DIS3L2: variants seen among roughly 807,000 people sequenced by gnomAD.
The protein encoded by DIS3L2 is DIS3 like 3'-5' exoribonuclease 2.
A neutral mutation model predicts 97.5 loss-of-function variants in DIS3L2; 34 were observed. The observed-to-expected ratio is 0.35, with a 90% CI of 0.27 to 0.46. The LOEUF (loss-of-function observed/expected upper bound fraction) is 0.46, where lower values mean the gene tolerates loss of function less well. Ranked by LOEUF, DIS3L2 falls within the 20% of genes least tolerant of loss-of-function variation. The probability of loss-of-function intolerance (pLI) is 1.00; values close to 1 mark genes in which losing one functional copy is unlikely to be tolerated. For synonymous variants in DIS3L2, 435 were observed against 445.2 expected (o/e 0.98, Z 0.29); for missense variants, 1,038 against 1,146.0 (o/e 0.91, Z 1.36).
intron 14 of DIS3L2, among the ~76,000 whole-genome samples, chr2:232,311,650 T>C (rs1695138744): frequency 6.6e-6 from 1 of 152,218 alleles, no homozygotes; most frequent in African/African-American, 2.4e-5. Context: ...GATACCACCA[T>C]TGTTATCTTC....
At position 232,309,729 on chromosome 2, in the gene DIS3L2, C is replaced by T. The variant is rs73995212; in HGVS notation, c.1739+9610C>T. 9.6e-3 allele frequency among the ~76,000 whole-genome samples: 1,455 copies of T among 152,316 alleles called. 18 individuals are homozygous for T. Among genetic ancestry groups the T allele is most frequent in the African/African-American group, 0.033 (1,366 of 41,576 alleles). ...AAAGCTGACTGCTGGAGGATCCTCA[C>T]ATCTTGCAGGACCTGGCCTGCATTA... On this transcript the variant is annotated intron_variant, in intron 14 of 20. Coordinates refer to ENST00000325385, the MANE Select transcript of DIS3L2 (RefSeq NM_152383.5).
intron 10 of DIS3L2, among the ~76,000 whole-genome samples, chr2:232,231,091 T>C (rs1692780162): frequency 6.6e-6 from 1 of 152,224 alleles, no homozygotes; most frequent in African/African-American, 2.4e-5. Context: ...CCAAAGTCCT[T>C]TTTACTATCT....
intron 5 of DIS3L2, among the ~76,000 whole-genome samples, chr2:232,049,002 T>G (rs956449054): frequency 5.9e-5 from 9 of 152,184 alleles, no homozygotes; most frequent in African/African-American, 1.9e-4. Flanking sequence ...ACACATAGTT[T>G]AGTATTGTAA....
chr2:232,206,955 T>A (rs1692042630), intron 9 of DIS3L2, among the ~76,000 whole-genome samples: 1 of 152,148 alleles, frequency 6.6e-6, no homozygotes, highest in South Asian at 2.1e-4. Context: ...ATGCACTGGA[T>A]CCATAGAAAT....
At chr2:232,100,425 C>CT (rs1248308441) in intron 6 of DIS3L2, among the ~76,000 whole-genome samples, 1 of 151,716 alleles carries the variant, frequency 6.6e-6, no homozygotes, top group East Asian at 1.9e-4. Flanking sequence ...AGGGATGTTG[C>CT]TTTTTTGCCC....
chr2:231,964,373 C>T (rs746161196), intron 1 of DIS3L2, among the ~76,000 whole-genome samples: 3 of 152,054 alleles, frequency 2.0e-5, no homozygotes, highest in East Asian at 1.9e-4. Flanking sequence ...GAAATCTTCC[C>T]GGGACTGACT....
At chr2:232,316,617 C>G (rs1559209173) in intron 14 of DIS3L2, among the ~76,000 whole-genome samples, 1 of 152,164 alleles carries the variant, frequency 6.6e-6, no homozygotes, top group Non-Finnish European at 1.5e-5. Flanking sequence ...GGAAGGACTT[C>G]CCAGGAGGCA....
intron 14 of DIS3L2, among the ~76,000 whole-genome samples, chr2:232,300,406 T>C (rs1176174003): frequency 1.3e-5 from 2 of 152,184 alleles, no homozygotes; most frequent in African/African-American, 4.8e-5. Flanking sequence ...CCCTCCCCAC[T>C]CTTGGTCTCC....
At chr2:232,304,568 A>G (rs1445933970) in intron 14 of DIS3L2, among the ~76,000 whole-genome samples, 2 of 152,124 alleles carry the variant, frequency 1.3e-5, no homozygotes, top group Non-Finnish European at 2.9e-5. Context: ...TTCACAGACA[A>G]GGAGCTTTGT....
chr2:232,287,659 T>G (rs1473183987), intron 13 of DIS3L2, among the ~76,000 whole-genome samples: 1 of 152,104 alleles, frequency 6.6e-6, no homozygotes. Context: ...CCCAAAGTGC[T>G]GTGATTACAG....
rs1694923863 is a variant in DIS3L2 at position 232,303,858 on chromosome 2, A to G, written c.1739+3739A>G. On this transcript the variant is annotated intron_variant, in intron 14 of 20. Coordinates refer to ENST00000325385, the MANE Select transcript of DIS3L2 (RefSeq NM_152383.5). ...TGTCATCCTGTTCTCCTTTCACATA[A>G]AGGGGCTAATCTCTACCTCTGGGGT... 2.0e-5 allele frequency among the ~76,000 whole-genome samples: 3 copies of G among 152,074 alleles called. No individual in the cohort carries two copies. In the South Asian group the frequency reaches 6.2e-4, roughly 32 times the overall value.
chr2:232,097,514 G>A (rs1697056409), intron 6 of DIS3L2, among the ~76,000 whole-genome samples: 1 of 150,554 alleles, frequency 6.6e-6, no homozygotes, highest in African/African-American at 2.4e-5. Flanking sequence ...CTCACCCTGT[G>A]GCTGCCACCA....
chr2:232,210,154 T>C lies in DIS3L2; in HGVS notation c.1125-172T>C, dbSNP rs1266053485. On this transcript the variant is annotated intron_variant, in intron 9 of 20. Transcript: ENST00000325385. Reference sequence around the variant, plus strand: ...AGGAAGAGAAAGTCACTCACCCATTTGTCTCTTCTCAGTCTCACATTTAAC... The same window carrying C: ...AGGAAGAGAAAGTCACTCACCCATTCGTCTCTTCTCAGTCTCACATTTAAC... Among the ~76,000 whole-genome samples the C allele has an allele frequency of 4.6e-5, 7 of 152,342 alleles. No individual in the cohort carries two copies. The South Asian group carries it at 1.2e-3, about 27-fold the overall frequency.
chr2:231,981,854 A>G (rs1182069003), intron 1 of DIS3L2, among the ~76,000 whole-genome samples: 1 of 150,604 alleles, frequency 6.6e-6, no homozygotes, highest in African/African-American at 2.4e-5. Flanking sequence ...GGCAACATGG[A>G]GAAACTCCGT....
At chr2:231,972,036 T>C (rs1275463674) in intron 1 of DIS3L2, among the ~76,000 whole-genome samples, 1 of 151,442 alleles carries the variant, frequency 6.6e-6, no homozygotes, top group Non-Finnish European at 1.5e-5. Context: ...AATACAAAAA[T>C]TAGCAGGGCG....
chr2:232,315,248 G>A (rs1695237807), intron 14 of DIS3L2, among the ~76,000 whole-genome samples: 1 of 152,182 alleles, frequency 6.6e-6, no homozygotes, highest in African/African-American at 2.4e-5. Flanking sequence ...CAGACCCAGG[G>A]CATATTCAGG....
chr2:232,333,272 T>G, intron 16 of DIS3L2, among the ~76,000 whole-genome samples: 2 of 134,918 alleles, frequency 1.5e-5, no homozygotes, highest in African/African-American at 2.7e-5. Context: ...CGCCTCCTCC[T>G]CCTCCTCTGC....
Position 232,145,359 on chromosome 2 carries a change from T to C in DIS3L2, c.950+8640T>C, listed in dbSNP as rs565885873. ...TACAGTTAATTTTTATACATTATCC[T>C]ATATCCAGCCATCTTGCCATATCCC... On this transcript the variant is annotated intron_variant, in intron 8 of 20. Coordinates refer to ENST00000325385, the MANE Select transcript of DIS3L2 (RefSeq NM_152383.5). Among the ~76,000 whole-genome samples, 23 of 152,320 alleles carry C rather than the reference T, an allele frequency of 1.5e-4. No individual in the cohort carries two copies. The South Asian group carries it at 4.1e-3, about 27-fold the overall frequency.
At chr2:232,286,719 G>C (rs1694446801) in intron 13 of DIS3L2, among the ~76,000 whole-genome samples, 1 of 152,140 alleles carries the variant, frequency 6.6e-6, no homozygotes, top group South Asian at 2.1e-4. Flanking sequence ...AGTAAAGCTG[G>C]GATTCAAAAC....
Sources: gnomAD v4.1 joint callset for allele counts (sites outside exome capture counted in the v4.1 genomes callset) on GRCh38, gnomAD v4.1.1 for gene constraint, MANE v1.5 for transcripts, NCBI Gene and HGNC (gene_info 2026-07-23, HGNC 2026-07-21) for gene names.